The following ARHGEF26 variants were observed in gnomAD, a reference collection of about 807,000 sequenced individuals.
The protein encoded by ARHGEF26 is Rho guanine nucleotide exchange factor 26.
ARHGEF26 carries 59 observed loss-of-function variants against 89.4 expected under a neutral mutation model. The observed-to-expected ratio is 0.66, with a 90% CI of 0.54 to 0.82. The LOEUF is 0.82. Among genes scored for constraint, ARHGEF26 ranks in the 40% least tolerant of loss-of-function variants. The pLI is 0.00. For missense variants in ARHGEF26, 1,234 were observed against 1,085.6 expected (o/e 1.14, Z -1.92); for synonymous variants, 500 against 428.4 (o/e 1.17, Z -2.06).
intron 6 of ARHGEF26, among the ~76,000 whole-genome samples, chr3:154,170,367 AAAAG>A (rs1041546670): frequency 3.3e-5 from 5 of 152,208 alleles, no homozygotes; most frequent in African/African-American, 1.2e-4. Context: ...TCTCAAAAGA[AAAAG>A]AAAAGAAAAG....
At chr3:154,196,327 G>A (rs1714289286) in intron 9 of ARHGEF26, among the ~76,000 whole-genome samples, 1 of 152,148 alleles carries the variant, frequency 6.6e-6, no homozygotes, top group African/African-American at 2.4e-5. Flanking sequence ...TAGCTGAGAG[G>A]AAGCAATAGA....
chr3:154,215,328 C>T (rs567390718), intron 9 of ARHGEF26, among the ~76,000 whole-genome samples: 1 of 152,068 alleles, frequency 6.6e-6, no homozygotes, highest in African/African-American at 2.4e-5. Context: ...AGGAGAGGGT[C>T]CTTTGGATCC....
chr3:154,163,853 G>A (rs1711815992), intron 6 of ARHGEF26, among the ~76,000 whole-genome samples: 1 of 152,056 alleles, frequency 6.6e-6, no homozygotes, highest in African/African-American at 2.4e-5. Context: ...TAACCTAATT[G>A]ATTATAAAAG....
intron 9 of ARHGEF26, among the ~76,000 whole-genome samples, chr3:154,210,832 A>G (rs1253044447): frequency 6.6e-6 from 1 of 151,482 alleles, no homozygotes; most frequent in Non-Finnish European, 1.5e-5. Context: ...AATCCCAGCT[A>G]CTTGGGAGGC....
At chr3:154,149,209 A>G (rs1419573665) in intron 4 of ARHGEF26, among the ~76,000 whole-genome samples, 180 bp from the exon 5 acceptor site, 2 of 142,992 alleles carry the variant, frequency 1.4e-5, no homozygotes, top group Non-Finnish European at 3.0e-5. Flanking sequence ...TGTCTGGCAC[A>G]CTATAAATAT....
chr3:154,210,944 A>AC (rs1715325423), intron 9 of ARHGEF26, among the ~76,000 whole-genome samples: 1 of 150,946 alleles, frequency 6.6e-6, no homozygotes, highest in Admixed American at 6.6e-5. Context: ...CTGTCCCCCC[A>AC]CCAAAAAAAA....
intron 6 of ARHGEF26, among the ~76,000 whole-genome samples, chr3:154,153,156 T>C (rs1407474013): frequency 2.6e-5 from 4 of 152,124 alleles, no homozygotes; most frequent in African/African-American, 4.8e-5. Flanking sequence ...AGTTATGTTA[T>C]TCCTCTTTCC....
chr3:154,122,162 G>T lies in ARHGEF26; in HGVS notation c.170G>T (p.Gly57Val), dbSNP rs754345671. The stretch of plus-strand genomic sequence containing the variant: ...ACGGATTTCCCGGTGGAGGACGGAG[G>T]GACGCTCCTCGCAGCGCAGATTCCC... ...LITDFPVEDG[G>V]TLLAAQIPAQ... The change falls in exon 2 of 15, where the codon GGG becomes GTG. Residue 57 changes from glycine to valine, a missense_variant. By Grantham distance (109) the Gly-to-Val change is moderately radical. Transcript: ENST00000465093. The T allele has an allele frequency of 6.3e-7, 1 of 1,599,652 alleles. No homozygotes were observed. Among genetic ancestry groups the T allele is most frequent in the East Asian group, 2.3e-5 (1 of 43,936 alleles).
chr3:154,202,661 A>G (rs1157006741), intron 9 of ARHGEF26, among the ~76,000 whole-genome samples: 11 of 151,870 alleles, frequency 7.2e-5, no homozygotes, highest in African/African-American at 2.4e-4. Flanking sequence ...ATTTGTTTGT[A>G]TCCTCTTTTA....
intron 11 of ARHGEF26, among the ~76,000 whole-genome samples, chr3:154,226,228 G>A (rs1716481576): frequency 6.6e-6 from 1 of 152,030 alleles, no homozygotes; most frequent in Non-Finnish European, 1.5e-5. Context: ...AACCTCTATT[G>A]AGCCACTGTT....
At chr3:154,236,175 G>GAATA (rs1335014610) in intron 11 of ARHGEF26, among the ~76,000 whole-genome samples, 2 of 152,080 alleles carry the variant, frequency 1.3e-5, no homozygotes, top group African/African-American at 4.8e-5. Flanking sequence ...AAAACAATCA[G>GAATA]AATATGTATT....
At chr3:154,132,773 A>G (rs1718763656) in intron 4 of ARHGEF26, among the ~76,000 whole-genome samples, 1 of 152,122 alleles carries the variant, frequency 6.6e-6, no homozygotes, top group Non-Finnish European at 1.5e-5. Flanking sequence ...GTCTATATAT[A>G]TAAATACCTA....
chr3:154,144,114 T>C (rs1719551677), intron 4 of ARHGEF26, among the ~76,000 whole-genome samples: 1 of 152,246 alleles, frequency 6.6e-6, no homozygotes, highest in Non-Finnish European at 1.5e-5. Context: ...CAATGAGAGA[T>C]GTTGTTTCTG....
intron 9 of ARHGEF26, among the ~76,000 whole-genome samples, chr3:154,213,999 G>T (rs75210143): frequency 4.5e-4 from 69 of 152,258 alleles, no homozygotes; most frequent in African/African-American, 1.6e-3. Flanking sequence ...AAGACAAGTA[G>T]GGGGATATAA....
chr3:154,243,784 G>A (rs922191221), intron 12 of ARHGEF26, among the ~76,000 whole-genome samples: 1 of 127,016 alleles, frequency 7.9e-6, no homozygotes, highest in Admixed American at 1.0e-4. Flanking sequence ...TAAATAAATG[G>A]ACATGCTTTC....
intron 6 of ARHGEF26, among the ~76,000 whole-genome samples, chr3:154,172,601 T>C (rs992847674): frequency 4.6e-5 from 7 of 152,104 alleles, no homozygotes; most frequent in Non-Finnish European, 7.4e-5. Context: ...GGCTGAGACA[T>C]GAGAATTGCT....
chr3:154,251,401 A>G (rs977764396), intron 12 of ARHGEF26, among the ~76,000 whole-genome samples: 3 of 152,174 alleles, frequency 2.0e-5, no homozygotes, highest in African/African-American at 7.2e-5. Flanking sequence ...CTGGTAAGAG[A>G]AGCAGATGAG....
At chr3:154,217,530 C>A (rs1337198475) in intron 9 of ARHGEF26, among the ~76,000 whole-genome samples, 3 of 152,150 alleles carry the variant, frequency 2.0e-5, no homozygotes, top group African/African-American at 4.8e-5. Context: ...GCAGAAGCTT[C>A]AGCACTTGTT....
chr3:154,192,775 T>C (rs913680848), intron 8 of ARHGEF26, among the ~76,000 whole-genome samples: 1 of 152,208 alleles, frequency 6.6e-6, no homozygotes, highest in Non-Finnish European at 1.5e-5. Context: ...TTTCTTGTAA[T>C]ATTAGACTTT....
Sources: allele counts gnomAD v4.1 joint callset (sites outside exome capture counted in the v4.1 genomes callset), GRCh38; gene constraint gnomAD v4.1.1; transcripts MANE v1.5; gene names NCBI Gene and HGNC (gene_info 2026-07-23, HGNC 2026-07-21).